PRKD1: variants seen among roughly 807,000 people sequenced by gnomAD.
PRKD1 encodes the protein protein kinase D1.
In PRKD1, 63 loss-of-function variants were observed where a neutral mutation model predicts 95.9. That is an observed-to-expected ratio of 0.66 (90% CI 0.54 to 0.81). The LOEUF (loss-of-function observed/expected upper bound fraction) is 0.81. Among genes scored for constraint, PRKD1 ranks in the 30% least tolerant of loss-of-function variants. The probability of loss-of-function intolerance (pLI) is 0.00; values close to 1 mark genes in which losing one functional copy is unlikely to be tolerated. For synonymous variants in PRKD1, 425 were observed against 423.1 expected, an observed-to-expected ratio of 1.00 and a Z score of -0.05; for missense variants, 1,048 against 1,165.3, an observed-to-expected ratio of 0.90 and a Z score of 1.47.
At chr14:29,911,999 A>C (rs1045491027) in intron 1 of PRKD1, among the ~76,000 whole-genome samples, 1 of 152,156 alleles carries the variant, frequency 6.6e-6, no homozygotes, top group Non-Finnish European at 1.5e-5. Context: ...TCCTTGGCTC[A>C]TGGCCCATTT....
chr14:29,895,430 A>G (rs1292215448), intron 1 of PRKD1, among the ~76,000 whole-genome samples: 1 of 152,010 alleles, frequency 6.6e-6, no homozygotes, highest in Non-Finnish European at 1.5e-5. Context: ...TTAAATTCCT[A>G]TAAGAAGCCC....
chr14:29,778,798 A>G (rs1214410138), intron 1 of PRKD1, among the ~76,000 whole-genome samples: 2 of 152,222 alleles, frequency 1.3e-5, no homozygotes, highest in Non-Finnish European at 2.9e-5. Flanking sequence ...TGAGGCCAGC[A>G]TCATCCTGAT....
At chr14:29,676,192 T>TTTGTTTTTTTTTTG (rs1555334435) in intron 2 of PRKD1, among the ~76,000 whole-genome samples, 59 of 128,554 alleles carry the variant, frequency 4.6e-4, no homozygotes, top group South Asian at 7.7e-4. Flanking sequence ...TGTTTTTTTT[T>TTTGTTTTTTTTTTG]TTTTTTTTTT....
chr14:29,743,018 C>T (rs1257964319), intron 1 of PRKD1, among the ~76,000 whole-genome samples: 1 of 152,200 alleles, frequency 6.6e-6, no homozygotes, highest in African/African-American at 2.4e-5. Flanking sequence ...TGACATTCTT[C>T]ATCCTGCTCC....
chr14:29,872,461 A>G (rs894107040), intron 1 of PRKD1, among the ~76,000 whole-genome samples: 6 of 151,892 alleles, frequency 4.0e-5, no homozygotes, highest in African/African-American at 1.5e-4. Flanking sequence ...GGACCATCCT[A>G]GCCAACACAG....
intron 1 of PRKD1, among the ~76,000 whole-genome samples, chr14:29,915,128 C>A (rs909484386): frequency 6.6e-6 from 1 of 152,216 alleles, no homozygotes; most frequent in African/African-American, 2.4e-5. Flanking sequence ...AAATGTAATT[C>A]TTTACATCTA....
chr14:29,603,267 T>G (rs571602002), intron 13 of PRKD1, among the ~76,000 whole-genome samples: 22 of 152,246 alleles, frequency 1.4e-4, no homozygotes, highest in Non-Finnish European at 3.1e-4. Flanking sequence ...ATAGTTGATA[T>G]ACAACAAGTT....
intron 1 of PRKD1, among the ~76,000 whole-genome samples, chr14:29,812,189 T>C (rs565506559): frequency 6.8e-4 from 104 of 152,284 alleles, no homozygotes; most frequent in African/African-American, 2.2e-3. Flanking sequence ...TTACAAGGGA[T>C]ATCTTTGTAT....
chr14:29,617,895 C>T (rs898785031), intron 13 of PRKD1, among the ~76,000 whole-genome samples: 15 of 138,000 alleles, frequency 1.1e-4, no homozygotes, highest in African/African-American at 3.6e-4. Flanking sequence ...AGAGAGGCTC[C>T]ATCTCTACCA....
intron 1 of PRKD1, among the ~76,000 whole-genome samples, chr14:29,758,832 G>T (rs1378269593): frequency 6.6e-6 from 1 of 152,176 alleles, no homozygotes; most frequent in African/African-American, 2.4e-5. Context: ...TGGAGAACAT[G>T]CAAATTTTGG....
intron 16 of PRKD1, 149 bp downstream of exon 16, chr14:29,597,341 CA>C: frequency 1.3e-6 from 1 of 768,588 alleles, no homozygotes; most frequent in Non-Finnish European, 1.9e-6. Flanking sequence ...GTGTCCCACC[CA>C]AATTAATTCG....
chr14:29,576,993 A>T lies in PRKD1; in HGVS notation c.*245T>A. 2 of 539,698 alleles carry T rather than the reference A, an allele frequency of 3.7e-6. No individual in the cohort carries two copies. Among genetic ancestry groups the T allele is most frequent in the Non-Finnish European group, 6.7e-6 (2 of 299,374 alleles). The allele number at this position is 539,698 out of a possible 1,614,324, so 33.4% of individuals were successfully genotyped here. On this transcript the variant is annotated 3_prime_UTR_variant, in exon 18 of 18. Transcript: ENST00000331968. ...GTTTAATGCATTAAATATAACATGA[A>T]TCATTCACAATAACAAGTTTCGTGT...
intron 1 of PRKD1, among the ~76,000 whole-genome samples, chr14:29,841,608 G>A (rs13379412): frequency 0.11 from 17,311 of 152,008 alleles, 1,122 homozygotes; most frequent in East Asian, 0.25. Flanking sequence ...CTTGCCTTCC[G>A]CCATGATTAT....
chr14:29,636,382 T>A lies in PRKD1; in HGVS notation c.1098A>T (p.Gln366His). Residue 366 changes from glutamine to histidine, a missense_variant, in exon 7 of 18, where the codon CAA becomes CAT. Coordinates refer to ENST00000331968, the MANE Select transcript of PRKD1 (RefSeq NM_002742.3). ...LMDDMEEAMV[Q>H]DAEMAMAECQ... is the part of the protein sequence containing the mutation. ...ACTCTGCCATTGCCATCTCTGCATC[T>A]TGGACCATTGCTTCTTCCATATCAT... The A allele has an allele frequency of 6.2e-7, 1 of 1,614,226 alleles. No homozygotes were observed. Among genetic ancestry groups the A allele is most frequent in the South Asian group, 1.1e-5 (1 of 91,090 alleles).
chr14:29,816,234 A>C (rs993915066), intron 1 of PRKD1, among the ~76,000 whole-genome samples: 6 of 152,130 alleles, frequency 3.9e-5, no homozygotes, highest in Non-Finnish European at 5.9e-5. Context: ...TCAGTAAATA[A>C]ATAAATAAAT....
intron 1 of PRKD1, among the ~76,000 whole-genome samples, chr14:29,866,368 A>T (rs1464201305): frequency 6.6e-6 from 1 of 152,218 alleles, no homozygotes; most frequent in Non-Finnish European, 1.5e-5. Context: ...TATACTATGT[A>T]GTTGGTTTTT....
chr14:29,687,127 ATAC>A (rs1883927053), intron 2 of PRKD1, among the ~76,000 whole-genome samples: 3 of 151,866 alleles, frequency 2.0e-5, no homozygotes, highest in Admixed American at 2.0e-4. Flanking sequence ...ATTTCTTTTA[ATAC>A]TATGAACTTA....
chr14:29,918,026 T>C (rs117013476), intron 1 of PRKD1, among the ~76,000 whole-genome samples: 4,406 of 152,164 alleles, frequency 0.029, 101 homozygotes, highest in Non-Finnish European at 0.042. Context: ...GATTATTTTG[T>C]CACCCAGGTA....
At chr14:29,783,688 T>A (rs1186221119) in intron 1 of PRKD1, among the ~76,000 whole-genome samples, 2 of 152,208 alleles carry the variant, frequency 1.3e-5, no homozygotes, top group Non-Finnish European at 2.9e-5. Context: ...ACATTCTAAC[T>A]GGGACGAGAT....
Sources: allele counts gnomAD v4.1 joint callset (sites outside exome capture counted in the v4.1 genomes callset), GRCh38; gene constraint gnomAD v4.1.1; transcripts MANE v1.5; gene names NCBI Gene and HGNC (gene_info 2026-07-23, HGNC 2026-07-21).